Variants in CRY2 observed in about 807,000 individuals in gnomAD.
CRY2 encodes cryptochrome circadian regulator 2.
In CRY2, 31 loss-of-function variants were observed where a neutral mutation model predicts 69.5. The observed-to-expected ratio is 0.45, with a 90% CI of 0.34 to 0.60. CRY2 has a LOEUF of 0.60. CRY2 is among the 20% of genes least tolerant of loss of function. CRY2 has a pLI of 0.02. For missense variants in CRY2, 606 were observed against 797.8 expected (o/e 0.76, Z 2.90); for synonymous variants, 303 against 312.2 (o/e 0.97, Z 0.31).
intron 11 of CRY2, among the ~76,000 whole-genome samples, chr11:45,880,413 G>A (rs752978476): frequency 4.7e-4 from 71 of 152,060 alleles, no homozygotes; most frequent in Non-Finnish European, 7.8e-4. Flanking sequence ...TTCCAGCACT[G>A]TGCCAGGGTG....
At chr11:45,858,705 G>T (rs753440263) in intron 2 of CRY2, 26 bp from the exon 3 acceptor site, 3 of 1,606,556 alleles carry the variant, frequency 1.9e-6, no homozygotes, top group Non-Finnish European at 2.6e-6. Flanking sequence ...ACACAGTGTT[G>T]AGCATAACAG....
Position 45,882,931 on chromosome 11 carries a change from C to T in CRY2, c.*2020C>T, listed in dbSNP as rs981830848. 7.8e-6 allele frequency: 3 copies of T among 385,984 alleles called. No individual in the cohort carries two copies. Among genetic ancestry groups the T allele is most frequent in the Non-Finnish European group, 1.4e-5 (3 of 218,474 alleles). 23.9% of individuals were successfully genotyped at this position (385,984 alleles called of 1,614,324 possible). On this transcript the variant is annotated 3_prime_UTR_variant, in exon 12 of 12. Coordinates refer to ENST00000616080, the MANE Select transcript of CRY2 (RefSeq NM_021117.5). ...TCTCCACCATCCCTAGCATGTCAGC[C>T]CGTTCCCAGATCAACCTGCCAGTGG... is the stretch of plus-strand genomic sequence containing the variant.
intron 5 of CRY2, 33 bp from the exon 6 acceptor site, chr11:45,867,579 C>T (rs1565061160): frequency 1.9e-6 from 3 of 1,613,750 alleles, no homozygotes; most frequent in Non-Finnish European, 8.5e-7. Flanking sequence ...ACATCCAAGC[C>T]TTTCCTTTTG....
At chr11:45,856,128 T>C in intron 2 of CRY2, 38 bp downstream of exon 2, 1 of 1,501,720 alleles carries the variant, frequency 6.7e-7, no homozygotes, top group East Asian at 2.3e-5. Context: ...AGTGAGATTC[T>C]GTCCCTGACG....
chr11:45,882,734 G>C lies in CRY2; in HGVS notation c.*1823G>C, dbSNP rs1047351342. ...GAGAATCGGGCCACTGCCAGAAAGAGAGTCAAGCAAACCTGGAAGGGCAAA... is the reference window on the plus strand; with the variant it reads ...GAGAATCGGGCCACTGCCAGAAAGACAGTCAAGCAAACCTGGAAGGGCAAA... On this transcript the variant is annotated 3_prime_UTR_variant, in exon 12 of 12. Coordinates refer to ENST00000616080, the MANE Select transcript of CRY2 (RefSeq NM_021117.5). 3.3e-5 allele frequency: 13 copies of C among 398,720 alleles called. No homozygotes were observed. Among genetic ancestry groups the C allele is most frequent in the Non-Finnish European group, 4.9e-5 (11 of 226,124 alleles). 24.7% of individuals were successfully genotyped at this position (398,720 alleles called of 1,614,324 possible). A position where few individuals can be genotyped will look rare whatever the true frequency, so the allele number is the denominator to read the frequency against.
intron 11 of CRY2, among the ~76,000 whole-genome samples, chr11:45,876,717 T>A (rs1462912853): frequency 6.6e-6 from 1 of 152,234 alleles, no homozygotes; most frequent in Non-Finnish European, 1.5e-5. Context: ...GGGTAGATCA[T>A]CGAGTAAAAC....
chr11:45,872,485 A>C (rs2086393792), intron 11 of CRY2, among the ~76,000 whole-genome samples: 1 of 152,082 alleles, frequency 6.6e-6, no homozygotes, highest in Non-Finnish European at 1.5e-5. Context: ...TCATGTATGT[A>C]ATCCCAGCAC....
In CRY2 at chr11:45,862,754, G is replaced by C. The variant is rs554523288; in HGVS notation, c.741+606G>C. On this transcript the variant is annotated intron_variant, in intron 5 of 11. Coordinates refer to ENST00000616080, the MANE Select transcript of CRY2 (RefSeq NM_021117.5). The stretch of plus-strand genomic sequence containing the variant: ...CTTTTTGCTGGAACTCTTTCAGCGT[G>C]TTGATTTCCATATGCTTGGACACAG... Among the ~76,000 whole-genome samples, 121 of 152,288 alleles carry C rather than the reference G, an allele frequency of 7.9e-4. 1 individual carries two copies. Among genetic ancestry groups the C allele is most frequent in the Admixed American group, 2.3e-3 (35 of 15,300 alleles).
At position 45,867,624 on chromosome 11, in the gene CRY2, A is replaced by T; in HGVS notation, c.754A>T (p.Asn252Tyr). Residue 252 changes from asparagine to tyrosine, a missense_variant, in exon 6 of 12, where the codon AAC becomes TAC. This residue lies in a region of CRY2 where 382 missense variants were observed against 508.9 expected (regional missense o/e 0.75). Coordinates refer to ENST00000616080, the MANE Select transcript of CRY2 (RefSeq NM_021117.5). The part of the protein sequence containing the change: ...KHLERKAWVA[N>Y]YERPRMNANS... ...CTTTCTGCTGTAGGCCTGGGTTGCC[A>T]ACTATGAGAGACCCCGAATGAACGC... is the stretch of plus-strand genomic sequence containing the variant. 6.2e-7 allele frequency: 1 copy of T among 1,614,176 alleles called. No individual in the cohort carries two copies. The highest frequency in any genetic ancestry group is 1.7e-5 in the Admixed American group (1 of 60,032).
At chr11:45,863,257 GA>G (rs1449298984) in intron 5 of CRY2, among the ~76,000 whole-genome samples, 1 of 152,222 alleles carries the variant, frequency 6.6e-6, no homozygotes, top group Non-Finnish European at 1.5e-5. Flanking sequence ...CCAAGGGGCA[GA>G]AGGGTGGAGA....
At position 45,867,603 on chromosome 11, in the gene CRY2, C is replaced by G. The variant is rs371790249; in HGVS notation, c.742-9C>G. 6.1e-5 allele frequency: 99 copies of G among 1,614,006 alleles called. No homozygotes were observed. The highest frequency in any genetic ancestry group is 7.5e-5 in the Non-Finnish European group (89 of 1,179,958). On this transcript the variant is annotated splice_polypyrimidine_tract_variant and intron_variant, in intron 5 of 11. Coordinates refer to ENST00000616080, the MANE Select transcript of CRY2 (RefSeq NM_021117.5). Reference sequence around the variant, plus strand: ...CCTTTCCTTTTGCCACCTTCTCTTTCTGCTGTAGGCCTGGGTTGCCAACTA... The same window carrying G: ...CCTTTCCTTTTGCCACCTTCTCTTTGTGCTGTAGGCCTGGGTTGCCAACTA...
intron 5 of CRY2, among the ~76,000 whole-genome samples, chr11:45,867,042 A>T (rs2086336971): frequency 6.6e-6 from 1 of 152,224 alleles, no homozygotes; most frequent in South Asian, 2.1e-4. Context: ...GCCAGCAACC[A>T]GTGATGATAA....
intron 7 of CRY2, 110 bp from the exon 8 acceptor site, chr11:45,869,943 G>A (rs1209098484): frequency 2.6e-6 from 4 of 1,515,750 alleles, no homozygotes; most frequent in Non-Finnish European, 3.5e-6. Flanking sequence ...CAGATCCTCT[G>A]TGGCTTGCCT....
intron 11 of CRY2, among the ~76,000 whole-genome samples, chr11:45,874,944 C>CA (rs1253074545): frequency 2.7e-5 from 4 of 150,458 alleles, no homozygotes; most frequent in South Asian, 2.1e-4. Context: ...CTCAGTCTCA[C>CA]AAAAAAAAAT....
intron 11 of CRY2, among the ~76,000 whole-genome samples, chr11:45,874,544 A>G (rs1053624135): frequency 2.0e-5 from 3 of 152,214 alleles, no homozygotes; most frequent in African/African-American, 7.2e-5. Flanking sequence ...GCCAGACACC[A>G]TTCCAGGCAT....
chr11:45,878,601 A>G (rs2086442205), intron 11 of CRY2, among the ~76,000 whole-genome samples: 1 of 152,168 alleles, frequency 6.6e-6, no homozygotes, highest in Admixed American at 6.5e-5. Flanking sequence ...AAAGGGAAAA[A>G]TTATTGAAAA....
intron 11 of CRY2, among the ~76,000 whole-genome samples, chr11:45,875,776 G>C (rs1357328572): frequency 1.3e-5 from 2 of 152,198 alleles, no homozygotes; most frequent in Non-Finnish European, 2.9e-5. Context: ...GTCTCACCAT[G>C]TGCTGGCAGA....
intron 4 of CRY2, 150 bp downstream of exon 4, chr11:45,861,182 G>T: frequency 1.3e-6 from 1 of 763,898 alleles, no homozygotes; most frequent in Non-Finnish European, 2.1e-6. Flanking sequence ...CCACCACCCA[G>T]AGGTAACCAC....
Position 45,858,854 on chromosome 11 carries a change from A to C in CRY2, c.448A>C (p.Thr150Pro). The change falls in exon 3 of 12, where the codon ACC becomes CCC. Residue 150 changes from threonine (T) to proline (P), a missense_variant. Around this residue, in one of 5 missense-constraint regions of CRY2, gnomAD observed 382 missense variants for 508.9 expected, o/e 0.75. Transcript: ENST00000616080. ...GVEVVTENSHTLYDLDRIIEL... is the reference protein window; with the variant it reads ...GVEVVTENSHPLYDLDRIIEL... ...GGAAGTAGTGACGGAGAATTCTCATACCCTCTATGACCTGGACAGGTAAGA... is the reference window on the plus strand; with the variant it reads ...GGAAGTAGTGACGGAGAATTCTCATCCCCTCTATGACCTGGACAGGTAAGA... The C allele has an allele frequency of 6.2e-7, 1 of 1,613,928 alleles. No homozygotes were observed. The highest frequency in any genetic ancestry group is 2.2e-5 in the East Asian group (1 of 44,880).
Sources: gnomAD v4.1 joint callset for allele counts (sites outside exome capture counted in the v4.1 genomes callset) on GRCh38, gnomAD v4.1.1 for gene constraint, gnomAD v4.1.1 regional missense constraint, MANE v1.5 for transcripts, NCBI Gene and HGNC (gene_info 2026-07-23, HGNC 2026-07-21) for gene names.